Variants in MAPK8 observed in about 807,000 individuals in gnomAD.
MAPK8 encodes JUN N-terminal kinase.
In MAPK8, 13 loss-of-function variants were observed where a neutral mutation model predicts 52.9. The ratio of observed to expected loss-of-function variants is 0.25; its 90% CI spans 0.16 to 0.39. The LOEUF is 0.39. MAPK8 is among the 10% of genes least tolerant of loss of function. MAPK8 has a pLI of 1.00. For synonymous variants in MAPK8, 191 were observed against 169.8 expected, an observed-to-expected ratio of 1.12 and a Z score of -0.97; for missense variants, 300 against 519.2, an observed-to-expected ratio of 0.58 and a Z score of 4.10.
At chr10:48,421,909 T>C (rs2043380521) in intron 6 of MAPK8, among the ~76,000 whole-genome samples, 1 of 152,012 alleles carries the variant, frequency 6.6e-6, no homozygotes, top group African/African-American at 2.4e-5. Flanking sequence ...GGAAACGGAG[T>C]CAAATGTAAT....
chr10:48,345,425 G>A (rs1275253575), intron 1 of MAPK8, among the ~76,000 whole-genome samples: 1 of 152,164 alleles, frequency 6.6e-6, no homozygotes, highest in Non-Finnish European at 1.5e-5. Flanking sequence ...CAGGGTTCTT[G>A]TAGAGTCATA....
At chr10:48,398,548 A>C (rs2042003891) in intron 1 of MAPK8, among the ~76,000 whole-genome samples, 1 of 152,254 alleles carries the variant, frequency 6.6e-6, no homozygotes, top group Admixed American at 6.5e-5. Flanking sequence ...AATTTCTTAA[A>C]AATGTAGGGC....
At chr10:48,377,978 G>C (rs2040774077) in intron 1 of MAPK8, among the ~76,000 whole-genome samples, 1 of 152,086 alleles carries the variant, frequency 6.6e-6, no homozygotes, top group Non-Finnish European at 1.5e-5. Flanking sequence ...GCTTCAAGGG[G>C]TAATTATTTA....
At chr10:48,343,568 C>G (rs1207058749) in intron 1 of MAPK8, among the ~76,000 whole-genome samples, 1 of 152,154 alleles carries the variant, frequency 6.6e-6, no homozygotes, top group Non-Finnish European at 1.5e-5. Context: ...TTCAAGGATT[C>G]AATTGATCAG....
rs144758997 is a variant in MAPK8 at position 48,383,573 on chromosome 10, G to C, written c.-49-18039G>C. 1.7e-3 allele frequency among the ~76,000 whole-genome samples: 252 copies of C among 151,932 alleles called. 1 individual carries two copies. Among genetic ancestry groups the C allele is most frequent in the African/African-American group, 5.8e-3 (240 of 41,432 alleles). The stretch of plus-strand genomic sequence containing the variant: ...CTTATCTCAGCTGGAATGCTGCTTG[G>C]CTAATTCCCTGCATGTTAACATTTC... On this transcript the variant is annotated intron_variant, in intron 1 of 11. Transcript: ENST00000374189.
intron 1 of MAPK8, among the ~76,000 whole-genome samples, chr10:48,380,081 A>C (rs1169059224): frequency 6.6e-6 from 1 of 152,106 alleles, no homozygotes; most frequent in African/African-American, 2.4e-5. Flanking sequence ...GTCTTTAATA[A>C]AAATACAAAA....
chr10:48,374,808 T>G (rs887332444), intron 1 of MAPK8, among the ~76,000 whole-genome samples: 1 of 152,008 alleles, frequency 6.6e-6, no homozygotes, highest in African/African-American at 2.4e-5. Flanking sequence ...CTACCAGAGG[T>G]ACAAAGAGGA....
intron 1 of MAPK8, among the ~76,000 whole-genome samples, chr10:48,317,795 T>TTTGC (rs1468956305): frequency 6.6e-6 from 1 of 152,144 alleles, no homozygotes; most frequent in African/African-American, 2.4e-5. Context: ...GTGGTTTCTG[T>TTTGC]TTGCTCAATG....
chr10:48,374,500 TAAAG>T (rs758594875), intron 1 of MAPK8, among the ~76,000 whole-genome samples: 25 of 151,708 alleles, frequency 1.6e-4, no homozygotes, highest in African/African-American at 3.9e-4. Flanking sequence ...GCCAGACTAA[TAAAG>T]AAGAAAAGAG....
chr10:48,327,123 G>A (rs1193935275), intron 1 of MAPK8, among the ~76,000 whole-genome samples: 1 of 152,122 alleles, frequency 6.6e-6, no homozygotes, highest in East Asian at 1.9e-4. Flanking sequence ...AGGAGTAATG[G>A]GAGGAGACAT....
At chr10:48,416,650 G>A (rs188427641) in intron 5 of MAPK8, among the ~76,000 whole-genome samples, 14 of 152,192 alleles carry the variant, frequency 9.2e-5, no homozygotes, top group African/African-American at 3.4e-4. Context: ...GGAGTGGTCA[G>A]ACAGGGCCAG....
intron 1 of MAPK8, among the ~76,000 whole-genome samples, chr10:48,360,930 CTTTT>C (rs987298408): frequency 6.6e-5 from 10 of 151,736 alleles, no homozygotes; most frequent in Non-Finnish European, 1.2e-4. Context: ...GGTGTTCATT[CTTTT>C]TTTAAGTGTG....
At chr10:48,396,711 T>C (rs1331681947) in intron 1 of MAPK8, among the ~76,000 whole-genome samples, 1 of 152,206 alleles carries the variant, frequency 6.6e-6, no homozygotes. Context: ...CAATGAATAA[T>C]ATTCAGTAAG....
intron 1 of MAPK8, among the ~76,000 whole-genome samples, chr10:48,328,025 TG>T (rs1486601992): frequency 6.6e-6 from 1 of 152,128 alleles, no homozygotes; most frequent in Non-Finnish European, 1.5e-5. Flanking sequence ...TTTCTTCTTT[TG>T]TTTTTTTTGA....
intron 1 of MAPK8, among the ~76,000 whole-genome samples, chr10:48,313,636 G>A (rs1048804215): frequency 1.3e-4 from 20 of 152,252 alleles, no homozygotes; most frequent in Non-Finnish European, 2.9e-5. Flanking sequence ...CTTTGCCAAT[G>A]AAGGATAGGT....
intron 1 of MAPK8, among the ~76,000 whole-genome samples, chr10:48,338,673 AC>A (rs1486993576): frequency 2.0e-5 from 3 of 152,120 alleles, no homozygotes; most frequent in African/African-American, 7.2e-5. Context: ...ACCTAAAAAA[AC>A]CCTGAAAGAT....
intron 1 of MAPK8, among the ~76,000 whole-genome samples, chr10:48,309,202 C>T (rs1841711872): frequency 6.6e-6 from 1 of 152,174 alleles, no homozygotes; most frequent in Non-Finnish European, 1.5e-5. Flanking sequence ...ATTTAATTGA[C>T]ATAAAATTCA....
At chr10:48,432,624 T>A (rs915191678) in intron 11 of MAPK8, among the ~76,000 whole-genome samples, 1 of 152,218 alleles carries the variant, frequency 6.6e-6, no homozygotes, top group African/African-American at 2.4e-5. Context: ...TTTGAAAAGT[T>A]CATTATGTGG....
At chr10:48,328,224 G>A (rs180991098) in intron 1 of MAPK8, among the ~76,000 whole-genome samples, 1 of 151,838 alleles carries the variant, frequency 6.6e-6, no homozygotes, top group African/African-American at 2.4e-5. Flanking sequence ...TCACCATGTT[G>A]GCCAGGGTGG....
Sources: gnomAD v4.1 joint callset for allele counts (sites outside exome capture counted in the v4.1 genomes callset) on GRCh38, gnomAD v4.1.1 for gene constraint, MANE v1.5 for transcripts, NCBI Gene and HGNC (gene_info 2026-07-23, HGNC 2026-07-21) for gene names.